Variants in FKBP6 observed in about 807,000 individuals in gnomAD.
FKBP6 encodes the protein FKBP prolyl isomerase family member 6 (inactive), also known as inactive peptidyl-prolyl cis-trans isomerase FKBP6.
FKBP6 carries 29 observed loss-of-function variants against 41.7 expected under a neutral mutation model. The ratio of observed to expected loss-of-function variants is 0.70; its 90% CI spans 0.52 to 0.95. The LOEUF is 0.95. FKBP6 is among the 40% of genes least tolerant of loss of function. The pLI, the probability that FKBP6 is intolerant of heterozygous loss-of-function variation, is 0.00. For synonymous variants in FKBP6, 130 were observed against 165.1 expected (o/e 0.79, Z 1.63); for missense variants, 338 against 408.7 (o/e 0.83, Z 1.49).
intron 8 of FKBP6, among the ~76,000 whole-genome samples, chr7:73,353,760 G>T (rs1238716485): frequency 2.7e-5 from 4 of 148,878 alleles, no homozygotes; most frequent in African/African-American, 7.5e-5. Flanking sequence ...TTGAGGCAAA[G>T]TCTCGCTCTA....
chr7:73,331,630 C>G, intron 4 of FKBP6, 27 bp from the exon 5 acceptor site: 1 of 1,613,600 alleles, frequency 6.2e-7, no homozygotes, highest in Non-Finnish European at 8.5e-7. Flanking sequence ...GGTTTCCTTG[C>G]TGAATATTCC....
intron 8 of FKBP6, among the ~76,000 whole-genome samples, chr7:73,344,866 T>C (rs907102605): frequency 1.3e-5 from 2 of 152,262 alleles, no homozygotes; most frequent in Non-Finnish European, 2.9e-5. Flanking sequence ...ATTACAGGCC[T>C]GAGCCACTGC....
chr7:73,331,171 G>A (rs1425536475), intron 4 of FKBP6, among the ~76,000 whole-genome samples: 3 of 152,212 alleles, frequency 2.0e-5, no homozygotes, highest in Non-Finnish European at 4.4e-5. Context: ...CTCTGAAGAT[G>A]GCCAGGGCAG....
intron 8 of FKBP6, among the ~76,000 whole-genome samples, chr7:73,347,837 G>T (rs1320280423): frequency 1.3e-5 from 2 of 152,104 alleles, no homozygotes; most frequent in African/African-American, 2.4e-5. Context: ...TTGCGACAGG[G>T]TCTCACCATG....
chr7:73,336,420 A>G (rs143545802), intron 5 of FKBP6, among the ~76,000 whole-genome samples: 1 of 152,276 alleles, frequency 6.6e-6, no homozygotes, highest in East Asian at 1.9e-4. Context: ...ATATGTGTGG[A>G]TGGATTTGGA....
chr7:73,343,200 G>T (rs547246460), intron 8 of FKBP6, among the ~76,000 whole-genome samples: 3 of 152,300 alleles, frequency 2.0e-5, no homozygotes, highest in East Asian at 1.9e-4. Flanking sequence ...CTGTTGCCCA[G>T]GCTGGAGTGC....
In FKBP6 at chr7:73,330,473, T is replaced by C. The variant is rs945710726; in HGVS notation, c.468+121T>C. On this transcript the variant is annotated intron_variant, in intron 4 of 8. Transcript: ENST00000252037. ...GTCCTCTCCAGGGTACCCCCGCGGC[T>C]CCTGTGCGGTGGCGGCGGAGTTCCT... 3 of 772,426 alleles carry C rather than the reference T, an allele frequency of 3.9e-6. No individual in the cohort carries two copies. In the African/African-American group the frequency reaches 5.1e-5, roughly 13 times the overall value. The allele number at this position is 772,426 out of a possible 1,614,324, so 47.8% of individuals were successfully genotyped here. A position where few individuals can be genotyped will look rare whatever the true frequency, so the allele number is the denominator to read the frequency against.
chr7:73,329,522 G>A, intron 3 of FKBP6, 73 bp downstream of exon 3: 1 of 945,272 alleles, frequency 1.1e-6, no homozygotes, highest in Non-Finnish European at 1.8e-6. Flanking sequence ...CTCAGGCTGG[G>A]AAGACTGCTC....
chr7:73,350,712 G>A (rs1406425960), intron 8 of FKBP6, among the ~76,000 whole-genome samples: 1 of 152,130 alleles, frequency 6.6e-6, no homozygotes, highest in Non-Finnish European at 1.5e-5. Context: ...AGTACTCTCT[G>A]GTTGGTCGAG....
chr7:73,342,967 A>T, intron 8 of FKBP6, 68 bp downstream of exon 8: 1 of 1,054,910 alleles, frequency 9.5e-7, no homozygotes, highest in Non-Finnish European at 1.5e-6. Context: ...CTCCACCCCC[A>T]AGTGAATGGT....
Position 73,347,320 on chromosome 7 carries a change from T to C in FKBP6, c.*2+4421T>C, listed in dbSNP as rs1262026695. On this transcript the variant is annotated intron_variant, in intron 8 of 8. Coordinates refer to ENST00000252037, the MANE Select transcript of FKBP6 (RefSeq NM_003602.5). ...TGTAGATATGATCCCCATTTTACAG[T>C]TGATGAATTAGATGTGAAGAAGCTA... is the stretch of plus-strand genomic sequence containing the variant. Among the ~76,000 whole-genome samples the C allele has an allele frequency of 2.0e-5, 3 of 152,182 alleles. No individual in the cohort carries two copies. The East Asian group carries it at 5.8e-4, about 29-fold the overall frequency.
intron 8 of FKBP6, among the ~76,000 whole-genome samples, chr7:73,343,846 G>A (rs907563051): frequency 6.6e-6 from 1 of 152,202 alleles, no homozygotes; most frequent in Non-Finnish European, 1.5e-5. Flanking sequence ...GCTGCTGAAC[G>A]GGCTCATGGT....
chr7:73,330,043 G>A, intron 3 of FKBP6, 107 bp from the exon 4 acceptor site: 1 of 786,950 alleles, frequency 1.3e-6, no homozygotes, highest in South Asian at 1.4e-5. Context: ...AACTGTGTGA[G>A]GGAGACATGG....
intron 8 of FKBP6, among the ~76,000 whole-genome samples, chr7:73,357,023 C>T (rs1279162525): frequency 1.3e-5 from 2 of 152,004 alleles, no homozygotes; most frequent in African/African-American, 4.8e-5. Context: ...TCAGGTGATC[C>T]CCCCCAGCTT....
chr7:73,336,676 A>G (rs1306757764), intron 5 of FKBP6: 3 of 452,542 alleles, frequency 6.6e-6, no homozygotes, highest in Non-Finnish European at 1.3e-5. Flanking sequence ...AGAGCTGGCT[A>G]TTAAACATGT....
chr7:73,338,726 G>A (rs782330986), intron 5 of FKBP6, among the ~76,000 whole-genome samples: 1 of 152,224 alleles, frequency 6.6e-6, no homozygotes, highest in African/African-American at 2.4e-5. Context: ...GATGACTGAT[G>A]ACATTGGACA....
intron 4 of FKBP6, 92 bp downstream of exon 4, chr7:73,330,444 G>C: frequency 1.0e-6 from 1 of 988,748 alleles, no homozygotes. Flanking sequence ...CCCTGAGGCT[G>C]ATCGTCCTCT....
intron 8 of FKBP6, among the ~76,000 whole-genome samples, chr7:73,346,731 C>T (rs953852670): frequency 3.3e-5 from 5 of 152,080 alleles, no homozygotes; most frequent in African/African-American, 9.7e-5. Context: ...CTGGCAAGAG[C>T]GGAAGGGTGG....
intron 4 of FKBP6, among the ~76,000 whole-genome samples, chr7:73,331,082 C>G (rs1421563455): frequency 6.6e-6 from 1 of 152,196 alleles, no homozygotes; most frequent in Non-Finnish European, 1.5e-5. Flanking sequence ...GAGTTTCTTG[C>G]AAATGCCTCG....
Sources: allele counts gnomAD v4.1 joint callset (sites outside exome capture counted in the v4.1 genomes callset), GRCh38; gene constraint gnomAD v4.1.1; transcripts MANE v1.5; gene names NCBI Gene and HGNC (gene_info 2026-07-23, HGNC 2026-07-21).